ABCA13: variants seen among roughly 807,000 people sequenced by gnomAD.
ABCA13 encodes ATP-binding cassette sub-family A member 13.
ABCA13 carries 476 observed loss-of-function variants against 478.7 expected under a neutral mutation model. That is an observed-to-expected ratio of 0.99 (90% CI 0.92 to 1.07). The LOEUF (loss-of-function observed/expected upper bound fraction) is 1.07. ABCA13 is among the 50% of genes least tolerant of loss of function. ABCA13 has a pLI of 0.00. For synonymous variants in ABCA13, 2,252 were observed against 2,158.9 expected, an observed-to-expected ratio of 1.04 and a Z score of -1.20; for missense variants, 6,060 against 5,910.6, an observed-to-expected ratio of 1.03 and a Z score of -0.83.
At chr7:48,528,674 GTTC>G (rs1158317693) in intron 55 of ABCA13, among the ~76,000 whole-genome samples, 1 of 152,046 alleles carries the variant, frequency 6.6e-6, no homozygotes, top group Non-Finnish European at 1.5e-5. Flanking sequence ...CCAAGGGGTG[GTTC>G]TTCTTTATTC....
At position 48,314,149 on chromosome 7, in the gene ABCA13, G is replaced by T. The variant is rs1196238507; in HGVS notation, c.9682-83G>T. On this transcript the variant is annotated intron_variant, in intron 25 of 61. Transcript: ENST00000435803. Reference sequence around the variant, plus strand: ...TGAATATCTTGTACATTCAGTGGAGGAAGGAACTAGACTTTCAGAAGTGTG... The same window carrying T: ...TGAATATCTTGTACATTCAGTGGAGTAAGGAACTAGACTTTCAGAAGTGTG... 7 of 1,410,594 alleles carry T rather than the reference G, an allele frequency of 5.0e-6. No individual in the cohort carries two copies. In the East Asian group the frequency reaches 1.2e-4, roughly 24 times the overall value. 87.4% of individuals were successfully genotyped at this position (1,410,594 alleles called of 1,614,324 possible).
intron 59 of ABCA13, among the ~76,000 whole-genome samples, chr7:48,636,508 G>C (rs1165505528): frequency 6.6e-6 from 1 of 152,134 alleles, no homozygotes; most frequent in African/African-American, 2.4e-5. Context: ...CAGGACCCTT[G>C]TCTCAAGGGT....
chr7:48,422,101 GAAGA>G (rs1820843700), intron 41 of ABCA13, among the ~76,000 whole-genome samples: 1 of 121,988 alleles, frequency 8.2e-6, no homozygotes, highest in African/African-American at 3.5e-5. Context: ...AGGAAAGAAG[GAAGA>G]AAGAGGGAGG....
chr7:48,621,859 G>T (rs557784159), intron 59 of ABCA13, among the ~76,000 whole-genome samples: 2 of 152,116 alleles, frequency 1.3e-5, no homozygotes, highest in African/African-American at 4.8e-5. Context: ...GCTGGTTTGG[G>T]ACCTCATCAT....
chr7:48,394,078 G>C (rs1319728433), intron 38 of ABCA13, among the ~76,000 whole-genome samples: 1 of 152,166 alleles, frequency 6.6e-6, no homozygotes, highest in Non-Finnish European at 1.5e-5. Flanking sequence ...CACATGGAGT[G>C]CTCCTTAGAA....
chr7:48,321,563 G>A (rs1368666615), intron 27 of ABCA13, among the ~76,000 whole-genome samples: 1 of 152,226 alleles, frequency 6.6e-6, no homozygotes. Context: ...GCTGAGCAGA[G>A]GAAGGATACC....
chr7:48,499,480 A>G (rs1830554020), intron 48 of ABCA13, among the ~76,000 whole-genome samples: 1 of 152,218 alleles, frequency 6.6e-6, no homozygotes. Context: ...GTATCTTGCT[A>G]TCATAATGGA....
chr7:48,215,256 A>G (rs1786272566), intron 3 of ABCA13, among the ~76,000 whole-genome samples: 1 of 152,136 alleles, frequency 6.6e-6, no homozygotes, highest in Non-Finnish European at 1.5e-5. Context: ...TGTCTCAGGG[A>G]ACAGGAAGGC....
chr7:48,278,056 A>T (rs1796529451), intron 17 of ABCA13, 38 bp from the exon 18 acceptor site: 1 of 751,910 alleles, frequency 1.3e-6, no homozygotes. Flanking sequence ...AATGTATTAA[A>T]AATTAAATTA....
Position 48,288,480 on chromosome 7 carries a change from T to C in ABCA13, c.8955+402T>C, listed in dbSNP as rs138975818. Among the ~76,000 whole-genome samples the C allele has an allele frequency of 2.3e-4, 35 of 152,350 alleles. 1 individual carries two copies. The East Asian group carries it at 6.7e-3, about 29-fold the overall frequency. On this transcript the variant is annotated intron_variant, in intron 20 of 61. Transcript: ENST00000435803. ...TTTACTGTTATCTCTCTTCCTGAGA[T>C]GATTTGCTTTTGTTGTATCCACATG...
chr7:48,524,110 G>C (rs143553180), intron 53 of ABCA13, 138 bp from the exon 54 acceptor site: 1 of 669,102 alleles, frequency 1.5e-6, no homozygotes, highest in Non-Finnish European at 2.4e-6. Context: ...GAACTGGGGT[G>C]CTCTGGACAA....
chr7:48,346,429 G>C (rs912680530), intron 29 of ABCA13, among the ~76,000 whole-genome samples: 1 of 150,958 alleles, frequency 6.6e-6, no homozygotes, highest in African/African-American at 2.4e-5. Context: ...ATAACAAATG[G>C]TCAGCAACAC....
At chr7:48,325,342 A>C (rs1584853356) in intron 27 of ABCA13, among the ~76,000 whole-genome samples, 3 of 152,082 alleles carry the variant, frequency 2.0e-5, no homozygotes, top group Admixed American at 6.6e-5. Context: ...GCAGAACCCT[A>C]CCTTACATGA....
At position 48,376,467 on chromosome 7, in the gene ABCA13, G is replaced by A. The variant is rs751260554; in HGVS notation, c.11230G>A (p.Ala3744Thr). The change falls in exon 35 of 62, where the codon GCT becomes ACT. Residue 3744 changes from alanine to threonine, a missense_variant. By Grantham distance (58) the Ala-to-Thr change is moderately conservative. Coordinates refer to ENST00000435803, the MANE Select transcript of ABCA13 (RefSeq NM_152701.5). ...TGIQWNNMYQ[A>T]LEQGGMTFGW... ...GATTCAATGGAATAATATGTACCAGGCTCTGGAACAAGGGGGCATGACATT... is the reference window on the plus strand; with the variant it reads ...GATTCAATGGAATAATATGTACCAGACTCTGGAACAAGGGGGCATGACATT... The A allele has an allele frequency of 5.6e-6, 9 of 1,613,764 alleles. No individual in the cohort carries two copies. In the South Asian group the frequency reaches 7.7e-5, roughly 14 times the overall value.
chr7:48,552,234 C>T (rs114798902), intron 55 of ABCA13, among the ~76,000 whole-genome samples: 2,696 of 151,724 alleles, frequency 0.018, 96 homozygotes, highest in African/African-American at 0.061. Context: ...TTTTATGTTT[C>T]TATTTCATTG....
intron 48 of ABCA13, among the ~76,000 whole-genome samples, 196 bp downstream of exon 48, chr7:48,489,540 T>A (rs2130683737): frequency 6.6e-6 from 1 of 152,308 alleles, no homozygotes; most frequent in Non-Finnish European, 1.5e-5. Context: ...ATGTCTTTAT[T>A]TTCTTGAACC....
At chr7:48,209,786 A>G (rs1785389791) in intron 3 of ABCA13, among the ~76,000 whole-genome samples, 1 of 152,176 alleles carries the variant, frequency 6.6e-6, no homozygotes, top group Non-Finnish European at 1.5e-5. Context: ...AGTTGCTCAC[A>G]GTAGTCTCTG....
intron 3 of ABCA13, among the ~76,000 whole-genome samples, chr7:48,215,401 C>G (rs1786300050): frequency 6.6e-6 from 1 of 151,872 alleles, no homozygotes; most frequent in Admixed American, 6.6e-5. Flanking sequence ...ATAGTAATAT[C>G]AAAGATCACT....
At chr7:48,243,330 T>C (rs1191513374) in intron 10 of ABCA13, among the ~76,000 whole-genome samples, 1 of 152,266 alleles carries the variant, frequency 6.6e-6, no homozygotes, top group African/African-American at 2.4e-5. Context: ...TTTCTAGCTC[T>C]TTCCAAGTGC....
Sources: allele counts gnomAD v4.1 joint callset (sites outside exome capture counted in the v4.1 genomes callset), GRCh38; gene constraint gnomAD v4.1.1; transcripts MANE v1.5; gene names NCBI Gene and HGNC (gene_info 2026-07-23, HGNC 2026-07-21).